CILP2: variants seen among roughly 807,000 people sequenced by gnomAD.
CILP2 encodes CILP-2.
Under a neutral mutation model 45.6 loss-of-function variants are expected in CILP2, and 38 were observed. The observed-to-expected ratio is 0.83, with a 90% CI of 0.64 to 1.09. CILP2 has a LOEUF of 1.09. Ranked by LOEUF, CILP2 falls within the 50% of genes least tolerant of loss-of-function variation. The probability of loss-of-function intolerance (pLI) is 0.00; values close to 1 mark genes in which losing one functional copy is unlikely to be tolerated. For missense variants in CILP2, 1,735 were observed against 1,662.2 expected (o/e 1.04, Z -0.76); for synonymous variants, 780 against 723.5 (o/e 1.08, Z -1.25).
rs752945813 is a variant in CILP2 at position 19,544,609 on chromosome 19, C to T, written c.2064C>T (p.Thr688=). 1.3e-6 allele frequency: 2 copies of T among 1,577,090 alleles called. No homozygotes were observed. The highest frequency in any genetic ancestry group is 8.6e-7 in the Non-Finnish European group (1 of 1,167,720). ...ALKLWSLNPE[T]GLWEEESGFR... is the part of the protein sequence containing the mutation. ...AGCTGTGGTCGCTGAACCCCGAGAC[C>T]GGCTTGTGGGAGGAGGAGAGCGGCT... Residue 688 remains threonine, a synonymous_variant, in exon 8 of 8, where the codon ACC becomes ACT. Transcript: ENST00000291495.
rs928322542 is a variant in CILP2, at chr19:19,541,124, C to T, written c.470C>T (p.Pro157Leu). 4.9e-5 allele frequency: 62 copies of T among 1,260,902 alleles called. No homozygotes were observed. The highest frequency in any genetic ancestry group is 6.0e-4 in the Middle Eastern group (2 of 3,336). 78.1% of individuals were successfully genotyped at this position (1,260,902 alleles called of 1,614,324 possible). ...TGGGGCGCGTGGGGCCCGTGGGGTC[C>T]CTGCTCGGGGAGCTGTGGGCCAGGC... The part of the protein sequence containing the change: ...ASWGAWGPWG[P>L]CSGSCGPGRR... The change falls in exon 4 of 8, where the codon CCC (proline) becomes CTC (leucine). Residue 157 changes from proline (P) to leucine (L), a missense_variant. Physicochemically the swap from Pro to Leu is moderately conservative, Grantham distance 98. Transcript: ENST00000291495.
In CILP2 at chr19:19,545,232, A is replaced by G. The variant is rs2061260255; in HGVS notation, c.2687A>G (p.His896Arg). 6.2e-7 allele frequency: 1 copy of G among 1,612,186 alleles called. No individual in the cohort carries two copies. The highest frequency in any genetic ancestry group is 1.7e-5 in the Admixed American group (1 of 59,976). Residue 896 changes from histidine to arginine, a missense_variant, in exon 8 of 8, where the codon CAC (histidine) becomes CGC (arginine). By Grantham distance (29) the His-to-Arg change is conservative. Transcript: ENST00000291495. ...ECQGAPVTAS[H>R]FRFARVEADK... ...CAGGGGGCCCCGGTGACTGCCAGCC[A>G]CTTCCGCTTCGCCAGGGTGGAGGCG...
chr19:19,544,969 G>A lies in CILP2; in HGVS notation c.2424G>A (p.Leu808=), dbSNP rs760178781. ...DADRPDAYTA[L]VTATLGGEEL... is the part of the protein sequence containing the mutation. ...ACAGGCCAGACGCCTACACCGCCCTGGTCACCGCCACCCTGGGCGGCGAGG... is the reference window on the plus strand; with the variant it reads ...ACAGGCCAGACGCCTACACCGCCCTAGTCACCGCCACCCTGGGCGGCGAGG... The change falls in exon 8 of 8, where the codon CTG becomes CTA. Residue 808 remains leucine (L), a synonymous_variant. Transcript: ENST00000291495. 1.7e-5 allele frequency: 27 copies of A among 1,597,252 alleles called. No individual in the cohort carries two copies. The East Asian group carries it at 5.6e-4, about 33-fold the overall frequency.
chr19:19,540,484 C>A lies in CILP2; in HGVS notation c.436+8C>A, dbSNP rs2061239465. ...GCTTCCGCTGCCCACTAGGTGAGGG[C>A]GGGGCTGGATGACGGGGGCGGGGCT... On this transcript the variant is annotated splice_region_variant and intron_variant, in intron 3 of 7. Coordinates refer to ENST00000291495, the MANE Select transcript of CILP2 (RefSeq NM_153221.2). 2 of 753,946 alleles carry A rather than the reference C, an allele frequency of 2.7e-6. No individual in the cohort carries two copies. Among genetic ancestry groups the A allele is most frequent in the Non-Finnish European group, 3.1e-6 (2 of 635,774 alleles). The allele number at this position is 753,946 out of a possible 1,614,324, so 46.7% of individuals were successfully genotyped here.
chr19:19,542,745 C>T, intron 5 of CILP2, 95 bp downstream of exon 5: 1 of 1,584,206 alleles, frequency 6.3e-7, no homozygotes, highest in Non-Finnish European at 8.7e-7. Flanking sequence ...AGATGTGACA[C>T]AGTCATTGGC....
Position 19,544,975 on chromosome 19 carries a change from C to T in CILP2, c.2430C>T (p.Thr810=), listed in dbSNP as rs1384554105. Reference sequence around the variant, plus strand: ...CAGACGCCTACACCGCCCTGGTCACCGCCACCCTGGGCGGCGAGGAGCTGG... The same window carrying T: ...CAGACGCCTACACCGCCCTGGTCACTGCCACCCTGGGCGGCGAGGAGCTGG... ...DRPDAYTALV[T]ATLGGEELEP... The change falls in exon 8 of 8, where the codon ACC becomes ACT. Residue 810 remains threonine (T), a synonymous_variant. Coordinates refer to ENST00000291495, the MANE Select transcript of CILP2 (RefSeq NM_153221.2). The T allele has an allele frequency of 1.9e-6, 3 of 1,597,316 alleles. No homozygotes were observed. Among genetic ancestry groups the T allele is most frequent in the Non-Finnish European group, 2.5e-6 (3 of 1,178,010 alleles).
At chr19:19,541,404 GGGGCGGGGCCTCGT>G (rs985340940) in intron 4 of CILP2, among the ~76,000 whole-genome samples, 158 bp downstream of exon 4, 15 of 152,060 alleles carry the variant, frequency 9.9e-5, no homozygotes, top group African/African-American at 2.9e-4. Context: ...GAGCTAGTTG[GGGGCGGGGCCTCGT>G]GGACGGGGCT....
At chr19:19,539,885 G>C in intron 2 of CILP2, 108 bp downstream of exon 2, 1 of 904,056 alleles carries the variant, frequency 1.1e-6, no homozygotes, top group East Asian at 3.1e-5. Flanking sequence ...CGAAGGGCCC[G>C]GCGCCGTCCT....
In CILP2 at chr19:19,544,612, C is replaced by T; in HGVS notation, c.2067C>T (p.Gly689=). 1 of 1,576,336 alleles carries T rather than the reference C, an allele frequency of 6.3e-7. No homozygotes were observed. The highest frequency in any genetic ancestry group is 8.6e-7 in the Non-Finnish European group (1 of 1,167,458). Residue 689 remains glycine (G), a synonymous_variant, in exon 8 of 8, where the codon GGC becomes GGT. Transcript: ENST00000291495. Reference sequence around the variant, plus strand: ...TGTGGTCGCTGAACCCCGAGACCGGCTTGTGGGAGGAGGAGAGCGGCTTCC... The same window carrying T: ...TGTGGTCGCTGAACCCCGAGACCGGTTTGTGGGAGGAGGAGAGCGGCTTCC... The part of the protein sequence containing the change: ...LKLWSLNPET[G]LWEEESGFRR...
At position 19,545,557 on chromosome 19, in the gene CILP2, G is replaced by C; in HGVS notation, c.3012G>C (p.Gln1004His). 1 of 1,612,072 alleles carries C rather than the reference G, an allele frequency of 6.2e-7. No homozygotes were observed. The highest frequency in any genetic ancestry group is 8.5e-7 in the Non-Finnish European group (1 of 1,179,614). Residue 1004 changes from glutamine to histidine, a missense_variant, in exon 8 of 8, where the codon CAG becomes CAC. Gln to His is a conservative substitution (Grantham distance 24). Coordinates refer to ENST00000291495, the MANE Select transcript of CILP2 (RefSeq NM_153221.2). Reference protein sequence around the residue: ...KCSGMLFDQRQVDRTLVTIMP... With the variant: ...KCSGMLFDQRHVDRTLVTIMP... ...GCGGGATGCTGTTCGACCAGCGGCA[G>C]GTGGACAGGACGCTGGTGACCATTA...
At chr19:19,538,831 AGAAG>A (rs2061232181) in intron 1 of CILP2, among the ~76,000 whole-genome samples, 1 of 152,226 alleles carries the variant, frequency 6.6e-6, no homozygotes, top group South Asian at 2.1e-4. Flanking sequence ...TGAGGCACCC[AGAAG>A]GAAGGGGCTT....
chr19:19,545,753 C>G lies in CILP2; in HGVS notation c.3208C>G (p.Arg1070Gly). ...GVYTVTDQSP[R>G]LAKEIAIGRC... Reference sequence around the variant, plus strand: ...CTACACTGTCACTGACCAGAGCCCACGCTTGGCCAAGGAGATCGCCATTGG... The same window carrying G: ...CTACACTGTCACTGACCAGAGCCCAGGCTTGGCCAAGGAGATCGCCATTGG... The change falls in exon 8 of 8, where the codon CGC becomes GGC. Residue 1070 changes from arginine to glycine, a missense_variant. Arg to Gly is a moderately radical substitution (Grantham distance 125). Coordinates refer to ENST00000291495, the MANE Select transcript of CILP2 (RefSeq NM_153221.2). 1 of 1,611,648 alleles carries G rather than the reference C, an allele frequency of 6.2e-7. No individual in the cohort carries two copies. Among genetic ancestry groups the G allele is most frequent in the South Asian group, 1.1e-5 (1 of 90,864 alleles).
chr19:19,545,811 C>A lies in CILP2; in HGVS notation c.3266C>A (p.Ser1089Tyr). 1.9e-6 allele frequency: 3 copies of A among 1,591,580 alleles called. No individual in the cohort carries two copies. Among genetic ancestry groups the A allele is most frequent in the Non-Finnish European group, 2.6e-6 (3 of 1,165,198 alleles). ...RCFDGSSDGF[S>Y]REMKADAGTA... ...TTTGATGGTTCCTCTGACGGCTTCT[C>A]CAGAGAGATGAAGGCTGATGCCGGC... The change falls in exon 8 of 8, where the codon TCC becomes TAC. Residue 1089 changes from serine (S) to tyrosine (Y), a missense_variant. Coordinates refer to ENST00000291495, the MANE Select transcript of CILP2 (RefSeq NM_153221.2).
At position 19,543,412 on chromosome 19, in the gene CILP2, G is replaced by T. The variant is rs757736188; in HGVS notation, c.1135+7G>T. The T allele has an allele frequency of 1.2e-6, 2 of 1,612,856 alleles. No individual in the cohort carries two copies. Among genetic ancestry groups the T allele is most frequent in the South Asian group, 1.1e-5 (1 of 91,052 alleles). The stretch of plus-strand genomic sequence containing the variant: ...GCCCGGCTCACTGTACTTGGTGAGT[G>T]TCCTTGGCCACAGCCCCGAGCAAGC... On this transcript the variant is annotated splice_region_variant and intron_variant, in intron 7 of 7. Transcript: ENST00000291495.
rs541770010 is a variant in CILP2 at position 19,544,853 on chromosome 19, G to C, written c.2308G>C (p.Gly770Arg). 78 of 1,597,548 alleles carry C rather than the reference G, an allele frequency of 4.9e-5. No homozygotes were observed. Among genetic ancestry groups the C allele is most frequent in the Non-Finnish European group, 6.3e-5 (74 of 1,178,462 alleles). ...GCTGGTCAATCTGGAGCCCGCCCCCGGCTTCTCCGCCAACCCCCGTGCCTG... is the reference window on the plus strand; with the variant it reads ...GCTGGTCAATCTGGAGCCCGCCCCCCGCTTCTCCGCCAACCCCCGTGCCTG... ...VTLVNLEPAP[G>R]FSANPRAWGR... Residue 770 changes from glycine (G) to arginine (R), a missense_variant, in exon 8 of 8, where the codon GGC becomes CGC. Gly to Arg is a moderately radical substitution (Grantham distance 125). Transcript: ENST00000291495.
chr19:19,542,775 G>A (rs1418778686), intron 5 of CILP2, 89 bp from the exon 6 acceptor site: 5 of 1,565,802 alleles, frequency 3.2e-6, no homozygotes, highest in Non-Finnish European at 4.4e-6. Context: ...GAGTGAGTCG[G>A]CATTTCTGGG....
Position 19,545,967 on chromosome 19 carries a change from C to T in CILP2, c.3422C>T (p.Ala1141Val), listed in dbSNP as rs1434925346. The T allele has an allele frequency of 1.3e-6, 2 of 1,539,716 alleles. No homozygotes were observed. Among genetic ancestry groups the T allele is most frequent in the Non-Finnish European group, 1.8e-6 (2 of 1,140,230 alleles). The change falls in exon 8 of 8, where the codon GCC becomes GTC. Residue 1141 changes from alanine to valine, a missense_variant. Physicochemically the swap from Ala to Val is moderately conservative, Grantham distance 64 (BLOSUM62 0). Transcript: ENST00000291495. The stretch of plus-strand genomic sequence containing the variant: ...ATGAGCGAGGCGGCGCAGGCACAGG[C>T]CCGGGCCTCAGGTCCCCTCCGCACC... ...REMSEAAQAQ[A>V]RASGPLRTRR...
chr19:19,540,556 G>T (rs1244629570), intron 3 of CILP2, 80 bp downstream of exon 3: 1 of 1,192,288 alleles, frequency 8.4e-7, no homozygotes, highest in Non-Finnish European at 1.1e-6. Flanking sequence ...GTGGTGGGTG[G>T]GGCTGGGAGG....
rs183023113 is a variant in CILP2 at position 19,541,320 on chromosome 19, A to G, written c.592+74A>G. The G allele has an allele frequency of 2.0e-3, 2,442 of 1,206,330 alleles. 46 individuals carry two copies. In the African/African-American group the frequency reaches 0.032, roughly 16 times the overall value. The allele number at this position is 1,206,330 out of a possible 1,614,324, so 74.7% of individuals were successfully genotyped here. On this transcript the variant is annotated intron_variant, in intron 4 of 7. Transcript: ENST00000291495. Reference sequence around the variant, plus strand: ...GGGGAGGTTAGGGGCTGAGCCTGGGAGAGAGGGTGGAGTTAGAGGCGGTGC... The same window carrying G: ...GGGGAGGTTAGGGGCTGAGCCTGGGGGAGAGGGTGGAGTTAGAGGCGGTGC...
Sources: allele counts gnomAD v4.1 joint callset (sites outside exome capture counted in the v4.1 genomes callset), GRCh38; gene constraint gnomAD v4.1.1; transcripts MANE v1.5; gene names NCBI Gene and HGNC (gene_info 2026-07-23, HGNC 2026-07-21).